The following TMCC1 variants were observed in gnomAD, a reference collection of about 807,000 sequenced individuals.
TMCC1 encodes the protein transmembrane and coiled-coil domains protein 1.
TMCC1 carries 15 observed loss-of-function variants against 52.4 expected under a neutral mutation model. The ratio of observed to expected loss-of-function variants is 0.29; its 90% CI spans 0.19 to 0.44. The LOEUF (loss-of-function observed/expected upper bound fraction) is 0.44, where lower values mean the gene tolerates loss of function less well. Among genes scored for constraint, TMCC1 ranks in the 20% least tolerant of loss-of-function variants. The probability of loss-of-function intolerance (pLI) is 1.00; values close to 1 mark genes in which losing one functional copy is unlikely to be tolerated. For synonymous variants in TMCC1, 279 were observed against 301.9 expected (o/e 0.92, Z 0.79); for missense variants, 503 against 806.0 (o/e 0.62, Z 4.55).
chr3:129,816,473 T>G (rs1466517695), intron 4 of TMCC1, among the ~76,000 whole-genome samples: 1 of 152,064 alleles, frequency 6.6e-6, no homozygotes, highest in African/African-American at 2.4e-5. Context: ...TTAAGTGAAA[T>G]AAGCCAAGCA....
At chr3:129,859,467 T>C (rs1577114948) in intron 2 of TMCC1, among the ~76,000 whole-genome samples, 1 of 151,952 alleles carries the variant, frequency 6.6e-6, no homozygotes, top group Non-Finnish European at 1.5e-5. Context: ...CAAGACCCCA[T>C]CTCTATGAAG....
Position 129,728,846 on chromosome 3 carries a change from G to A in TMCC1, c.577-57582C>T, listed in dbSNP as rs72985326. On this transcript the variant is annotated intron_variant, in intron 4 of 6. Coordinates refer to ENST00000393238, the MANE Select transcript of TMCC1 (RefSeq NM_001017395.5). ...ATACAGTATATAACTTTCTGAGACT[G>A]ATTTATCAACACAATGTCTTTGAGA... is the stretch of plus-strand genomic sequence containing the variant. 3.6e-3 allele frequency among the ~76,000 whole-genome samples: 553 copies of A among 152,234 alleles called. 2 individuals carry two copies. The highest frequency in any genetic ancestry group is 0.012 in the African/African-American group (494 of 41,548).
chr3:129,691,946 A>C (rs1056996160), intron 4 of TMCC1, among the ~76,000 whole-genome samples: 11 of 152,230 alleles, frequency 7.2e-5, no homozygotes, highest in African/African-American at 2.7e-4. Context: ...CTACAAATCT[A>C]AGAAAAGAAA....
chr3:129,676,239 A>C (rs1262805724), intron 4 of TMCC1, among the ~76,000 whole-genome samples: 6 of 152,104 alleles, frequency 3.9e-5, no homozygotes, highest in Non-Finnish European at 7.3e-5. Context: ...TCAGTGCAGC[A>C]AATACTGCCC....
At chr3:129,652,321 A>AC (rs1448720848) in intron 6 of TMCC1, among the ~76,000 whole-genome samples, 2 of 152,110 alleles carry the variant, frequency 1.3e-5, no homozygotes, top group Non-Finnish European at 2.9e-5. Context: ...AAATCCTAAG[A>AC]CCCCCAGCCA....
intron 5 of TMCC1, among the ~76,000 whole-genome samples, chr3:129,668,164 G>A (rs2087622349): frequency 6.6e-6 from 1 of 152,064 alleles, no homozygotes; most frequent in South Asian, 2.1e-4. Context: ...CTCCAGCATG[G>A]GCAATAAAGT....
intron 4 of TMCC1, among the ~76,000 whole-genome samples, chr3:129,701,987 A>T (rs1312355446): frequency 3.3e-5 from 5 of 152,204 alleles, no homozygotes; most frequent in Non-Finnish European, 5.9e-5. Flanking sequence ...AAAATTTTTT[A>T]AAAATAAAAT....
chr3:129,683,163 G>A (rs1409614392), intron 4 of TMCC1, among the ~76,000 whole-genome samples: 7 of 152,232 alleles, frequency 4.6e-5, no homozygotes, highest in Non-Finnish European at 7.3e-5. Context: ...CAGCTTCTAA[G>A]TTCTACTGTT....
At position 129,774,539 on chromosome 3, in the gene TMCC1, C is replaced by T. The variant is rs1268454975; in HGVS notation, c.576+53264G>A. Among the ~76,000 whole-genome samples, 3 of 152,170 alleles carry T rather than the reference C, an allele frequency of 2.0e-5. No homozygotes were observed. The East Asian group carries it at 5.8e-4, about 29-fold the overall frequency. Reference sequence around the variant, plus strand: ...AGTGGAAAACAGACACAATTCAAAACAGTGAGACAGTATCATGGTTGGAAC... The same window carrying T: ...AGTGGAAAACAGACACAATTCAAAATAGTGAGACAGTATCATGGTTGGAAC... On this transcript the variant is annotated intron_variant, in intron 4 of 6. Transcript: ENST00000393238.
At chr3:129,668,305 G>T (rs1347057082) in intron 5 of TMCC1, among the ~76,000 whole-genome samples, 1 of 152,206 alleles carries the variant, frequency 6.6e-6, no homozygotes, top group African/African-American at 2.4e-5. Flanking sequence ...AACAGCATCT[G>T]TTCCCCTAAC....
intron 4 of TMCC1, among the ~76,000 whole-genome samples, chr3:129,782,736 C>T (rs1029794441): frequency 3.3e-5 from 5 of 152,194 alleles, no homozygotes; most frequent in Admixed American, 6.5e-5. Context: ...TTTTCTATGA[C>T]TTTTCAGGTG....
intron 6 of TMCC1, among the ~76,000 whole-genome samples, chr3:129,652,286 AT>A (rs2086382152): frequency 1.3e-5 from 2 of 152,172 alleles, no homozygotes; most frequent in South Asian, 4.1e-4. Context: ...TATTATTTTT[AT>A]TTCCTATCTG....
At chr3:129,743,551 T>G (rs749987551) in intron 4 of TMCC1, among the ~76,000 whole-genome samples, 13 of 152,160 alleles carry the variant, frequency 8.5e-5, no homozygotes, top group Admixed American at 1.3e-4. Flanking sequence ...AAGATAGGGT[T>G]GTAGTAACAT....
intron 4 of TMCC1, among the ~76,000 whole-genome samples, chr3:129,686,079 G>T (rs2089384278): frequency 6.6e-6 from 1 of 152,100 alleles, no homozygotes; most frequent in Admixed American, 6.5e-5. Context: ...CATCCTGATT[G>T]ATCTACCTGC....
At chr3:129,774,983 A>AG (rs1313921197) in intron 4 of TMCC1, among the ~76,000 whole-genome samples, 5 of 152,192 alleles carry the variant, frequency 3.3e-5, no homozygotes, top group Admixed American at 1.3e-4. Context: ...TGAATTAGAC[A>AG]GGGGGGATAA....
chr3:129,765,238 ATTAATTAGTAAC>A (rs1239571179), intron 4 of TMCC1, among the ~76,000 whole-genome samples: 43 of 152,216 alleles, frequency 2.8e-4, no homozygotes, highest in African/African-American at 1.0e-3. Flanking sequence ...TAAGAATTCC[ATTAATTAGTAAC>A]TTAAGAAAAC....
intron 4 of TMCC1, among the ~76,000 whole-genome samples, chr3:129,773,584 A>G (rs2054790300): frequency 6.6e-6 from 1 of 152,350 alleles, no homozygotes; most frequent in South Asian, 2.1e-4. Context: ...AAGAGAACAA[A>G]TAAGCCCAAC....
intron 4 of TMCC1, among the ~76,000 whole-genome samples, chr3:129,769,691 C>A (rs558929263): frequency 1.3e-5 from 2 of 151,790 alleles, no homozygotes; most frequent in South Asian, 4.2e-4. Context: ...CCACATTAGA[C>A]CCCATCCACT....
chr3:129,758,148 T>C (rs1335103680), intron 4 of TMCC1, among the ~76,000 whole-genome samples: 2 of 152,184 alleles, frequency 1.3e-5, no homozygotes, highest in Non-Finnish European at 2.9e-5. Flanking sequence ...TTCTCCCAGA[T>C]CCACAGTCCT....
Sources: gnomAD v4.1 joint callset for allele counts (sites outside exome capture counted in the v4.1 genomes callset) on GRCh38, gnomAD v4.1.1 for gene constraint, MANE v1.5 for transcripts, NCBI Gene and HGNC (gene_info 2026-07-23, HGNC 2026-07-21) for gene names.